The following DLG2 variants were observed in gnomAD, a reference collection of about 807,000 sequenced individuals.
The protein encoded by DLG2 is discs large MAGUK scaffold protein 2.
Under a neutral mutation model 132.5 loss-of-function variants are expected in DLG2, and 45 were observed. The observed-to-expected ratio is 0.34, with a 90% confidence interval of 0.27 to 0.44. DLG2 has a LOEUF of 0.44. DLG2 is among the 20% of genes least tolerant of loss of function. DLG2 has a pLI of 1.00. For missense variants in DLG2, 1,045 were observed against 1,196.9 expected (o/e 0.87, Z 1.87); for synonymous variants, 424 against 419.6 (o/e 1.01, Z -0.13).
intron 7 of DLG2, among the ~76,000 whole-genome samples, chr11:84,491,448 C>T (rs1311077276): frequency 6.6e-6 from 1 of 152,136 alleles, no homozygotes; most frequent in Non-Finnish European, 1.5e-5. Context: ...AAACCTCTTC[C>T]TTCTGTAAAT....
chr11:85,357,836 C>T (rs1451074391), intron 3 of DLG2, among the ~76,000 whole-genome samples: 2 of 148,934 alleles, frequency 1.3e-5, no homozygotes, highest in South Asian at 4.3e-4. Flanking sequence ...TGTTATATTG[C>T]TCTTCTTCCT....
At chr11:84,588,336 C>A (rs772544987) in intron 6 of DLG2, among the ~76,000 whole-genome samples, 1 of 152,132 alleles carries the variant, frequency 6.6e-6, no homozygotes, top group Non-Finnish European at 1.5e-5. Flanking sequence ...TCAGCCCCAC[C>A]CCCAAACACC....
chr11:85,478,729 C>A (rs915263576), intron 3 of DLG2, among the ~76,000 whole-genome samples: 1 of 152,112 alleles, frequency 6.6e-6, no homozygotes, highest in African/African-American at 2.4e-5. Context: ...GGTGGTTCTA[C>A]CTCTCTCTTT....
chr11:84,576,340 T>C (rs750593075), intron 6 of DLG2, among the ~76,000 whole-genome samples: 35 of 152,224 alleles, frequency 2.3e-4, no homozygotes, highest in Admixed American at 1.2e-3. Flanking sequence ...CTATAAAGAA[T>C]GAATGAATTA....
In DLG2 at chr11:85,025,582, T is replaced by C. The variant is rs190484655; in HGVS notation, c.357+86079A>G. 1.9e-3 allele frequency among the ~76,000 whole-genome samples: 296 copies of C among 152,334 alleles called. 1 individual carries two copies. Among genetic ancestry groups the C allele is most frequent in the African/African-American group, 6.9e-3 (287 of 41,578 alleles). On this transcript the variant is annotated intron_variant, in intron 6 of 27. Transcript: ENST00000376104. ...GATTACTTAATATAATTAAAATGCCTATCATCCCAATTTAATATATACAGT... is the reference window on the plus strand; with the variant it reads ...GATTACTTAATATAATTAAAATGCCCATCATCCCAATTTAATATATACAGT...
chr11:84,401,242 T>C (rs1488222177), intron 7 of DLG2, among the ~76,000 whole-genome samples: 1 of 152,220 alleles, frequency 6.6e-6, no homozygotes, highest in Non-Finnish European at 1.5e-5. Flanking sequence ...CTGTAAGTTC[T>C]TCAAGGGCAG....
At chr11:83,577,016 T>G (rs1323386632) in intron 19 of DLG2, among the ~76,000 whole-genome samples, 1 of 152,130 alleles carries the variant, frequency 6.6e-6, no homozygotes, top group Non-Finnish European at 1.5e-5. Flanking sequence ...CCAAAGGAGA[T>G]TAACATTTGA....
At chr11:83,767,363 C>T (rs2094189473) in intron 18 of DLG2, among the ~76,000 whole-genome samples, 1 of 152,154 alleles carries the variant, frequency 6.6e-6, no homozygotes, top group African/African-American at 2.4e-5. Context: ...CCTGGGATTA[C>T]AGTTATAATT....
chr11:83,838,686 G>T (rs1407295453), intron 16 of DLG2, among the ~76,000 whole-genome samples: 1 of 152,012 alleles, frequency 6.6e-6, no homozygotes, highest in Non-Finnish European at 1.5e-5. Flanking sequence ...TCCCAGTTTT[G>T]CTGTGAGGCA....
chr11:83,889,548 G>A (rs2069036586), intron 15 of DLG2, among the ~76,000 whole-genome samples: 1 of 152,176 alleles, frequency 6.6e-6, no homozygotes, highest in Admixed American at 6.5e-5. Flanking sequence ...AGTCAGTGTG[G>A]TGATTCCTCA....
At position 84,243,074 on chromosome 11, in the gene DLG2, T is replaced by C. The variant is rs147376581; in HGVS notation, c.573+8164A>G. Among the ~76,000 whole-genome samples, 1,035 of 151,422 alleles carry C rather than the reference T, an allele frequency of 6.8e-3. 6 individuals are homozygous for C. Among genetic ancestry groups the C allele is most frequent in the Non-Finnish European group, 0.011 (764 of 67,878 alleles). ...ATATAAAGAACCTAGAGTATAATCA[T>C]TTCTTGATAACAAATTAGCTCCCTT... On this transcript the variant is annotated intron_variant, in intron 8 of 27. Transcript: ENST00000376104.
At chr11:85,160,593 C>A (rs547243454) in intron 4 of DLG2, among the ~76,000 whole-genome samples, 153 of 152,296 alleles carry the variant, frequency 1.0e-3, no homozygotes, top group African/African-American at 3.5e-3. Flanking sequence ...CAGAGTGGGT[C>A]ATGCACAGCA....
chr11:84,991,854 T>C (rs1357555736), intron 6 of DLG2, among the ~76,000 whole-genome samples: 2 of 152,228 alleles, frequency 1.3e-5, no homozygotes, highest in East Asian at 3.8e-4. Context: ...TCATCTCTTC[T>C]TATGTTTGGA....
At chr11:85,143,328 G>A (rs928478196) in intron 5 of DLG2, among the ~76,000 whole-genome samples, 26 of 151,438 alleles carry the variant, frequency 1.7e-4, no homozygotes, top group African/African-American at 6.3e-4. Flanking sequence ...CAATTCTTTG[G>A]CATATAGTTG....
chr11:85,504,107 T>C (rs1376237214), intron 3 of DLG2, among the ~76,000 whole-genome samples: 2 of 152,244 alleles, frequency 1.3e-5, no homozygotes, highest in Non-Finnish European at 2.9e-5. Flanking sequence ...AGATTCTGGA[T>C]ATTAGCTCTT....
chr11:83,886,115 A>G (rs1235899200), intron 15 of DLG2, among the ~76,000 whole-genome samples: 1 of 151,438 alleles, frequency 6.6e-6, no homozygotes, highest in Non-Finnish European at 1.5e-5. Context: ...CCTTAACTGT[A>G]AGTGGACTAA....
intron 18 of DLG2, among the ~76,000 whole-genome samples, chr11:83,689,930 AATAT>A (rs1274307739): frequency 7.0e-6 from 1 of 142,088 alleles, no homozygotes; most frequent in Non-Finnish European, 1.5e-5. Context: ...TATTTACATA[AATAT>A]ATAATATATA....
At chr11:84,436,075 A>G (rs998352290) in intron 7 of DLG2, among the ~76,000 whole-genome samples, 4 of 152,256 alleles carry the variant, frequency 2.6e-5, no homozygotes, top group Admixed American at 6.5e-5. Context: ...TCAAAAGCCA[A>G]CTGTTCAATA....
chr11:83,751,561 T>C (rs2093313537), intron 18 of DLG2, among the ~76,000 whole-genome samples: 1 of 151,982 alleles, frequency 6.6e-6, no homozygotes, highest in Non-Finnish European at 1.5e-5. Context: ...GATAGAAAAA[T>C]GAGGATGCTA....
Sources: allele counts gnomAD v4.1 joint callset (sites outside exome capture counted in the v4.1 genomes callset), GRCh38; gene constraint gnomAD v4.1.1; transcripts MANE v1.5; gene names NCBI Gene and HGNC (gene_info 2026-07-23, HGNC 2026-07-21).